Variants in RELA observed in about 807,000 individuals in gnomAD.
The protein encoded by RELA is transcription factor p65.
A neutral mutation model predicts 56.7 loss-of-function variants in RELA; 14 were observed. That is an observed-to-expected ratio of 0.25 (90% CI 0.16 to 0.39). RELA has a LOEUF of 0.39. Among genes scored for constraint, RELA ranks in the 10% least tolerant of loss-of-function variants. The pLI, the probability that RELA is intolerant of heterozygous loss-of-function variation, is 1.00. For missense variants in RELA, 559 were observed against 736.4 expected (o/e 0.76, Z 2.79); for synonymous variants, 315 against 289.7 (o/e 1.09, Z -0.89).
rs553456874 is a variant in RELA at position 65,653,641 on chromosome 11, C to G, written c.*737G>C. ...ATTTATTAGTTCAGAGTAGAAAGAG[C>G]AAGAGTCCAAGTGCTTTGATTGTTC... On this transcript the variant is annotated 3_prime_UTR_variant, in exon 11 of 11. Transcript: ENST00000406246. 2.0e-5 allele frequency: 3 copies of G among 152,602 alleles called. No homozygotes were observed. Among genetic ancestry groups the G allele is most frequent in the East Asian group, 1.9e-4 (1 of 5,200 alleles). The allele number at this position is 152,602 out of a possible 1,614,324, so 9.5% of individuals were successfully genotyped here. A position where few individuals can be genotyped will look rare whatever the true frequency, so the allele number is the denominator to read the frequency against.
At chr11:65,655,962 A>C in intron 8 of RELA, 27 bp from the exon 9 acceptor site, 1 of 1,604,204 alleles carries the variant, frequency 6.2e-7, no homozygotes, top group East Asian at 2.2e-5. Flanking sequence ...GAGAAGTGGG[A>C]CTTGCTCTCC....
chr11:65,656,165 G>A (rs962931104), intron 8 of RELA, among the ~76,000 whole-genome samples: 13 of 152,184 alleles, frequency 8.5e-5, no homozygotes, highest in South Asian at 2.1e-4. Context: ...TGGTGAGGCC[G>A]AGTACAGGGG....
intron 1 of RELA, 167 bp from the exon 2 acceptor site, chr11:65,662,372 G>A (rs888541517): frequency 2.8e-6 from 2 of 718,974 alleles, no homozygotes; most frequent in African/African-American, 3.7e-5. Context: ...AAAGGAACCA[G>A]AAACACCTGC....
At position 65,654,148 on chromosome 11, in the gene RELA, C is replaced by T; in HGVS notation, c.*230G>A. On this transcript the variant is annotated 3_prime_UTR_variant, in exon 11 of 11. Coordinates refer to ENST00000406246, the MANE Select transcript of RELA (RefSeq NM_021975.4). ...CAGGACAGGGGAAAAGTTTGAGTTTCCCCAGCTCCCCCCTTTCCAGAGAAG... is the reference window on the plus strand; with the variant it reads ...CAGGACAGGGGAAAAGTTTGAGTTTTCCCAGCTCCCCCCTTTCCAGAGAAG... 1 of 612,158 alleles carries T rather than the reference C, an allele frequency of 1.6e-6. No individual in the cohort carries two copies. Among genetic ancestry groups the T allele is most frequent in the Admixed American group, 2.5e-5 (1 of 39,918 alleles). 37.9% of individuals were successfully genotyped at this position (612,158 alleles called of 1,614,324 possible).
At chr11:65,659,240 T>C (rs1453516349) in intron 6 of RELA, among the ~76,000 whole-genome samples, 2 of 152,198 alleles carry the variant, frequency 1.3e-5, no homozygotes, top group Non-Finnish European at 2.9e-5. Context: ...ATTCGTTTTA[T>C]TTCCATTCAT....
At chr11:65,655,637 G>T in intron 10 of RELA, 51 bp downstream of exon 10, 3 of 1,562,334 alleles carry the variant, frequency 1.9e-6, no homozygotes, top group Non-Finnish European at 1.8e-6. Flanking sequence ...CTGCTCCTCA[G>T]CTGAACAGAG....
In RELA at chr11:65,658,620, C is replaced by A; in HGVS notation, c.664+98G>T. On this transcript the variant is annotated intron_variant, in intron 7 of 10. Transcript: ENST00000406246. This position sits in a 1 kb window ranked among gnomAD's most constrained non-coding sequence, Gnocchi z 4.5. ...CGGCCCACCTGAGGCCCCCGAGGCA[C>A]AGGAGGAAGTATCCAAAGCCAGTTA... 7.1e-7 allele frequency: 1 copy of A among 1,403,100 alleles called. No homozygotes were observed. The highest frequency in any genetic ancestry group is 1.0e-6 in the Non-Finnish European group (1 of 995,344). 86.9% of individuals were successfully genotyped at this position (1,403,100 alleles called of 1,614,324 possible). A position where few individuals can be genotyped will look rare whatever the true frequency, so the allele number is the denominator to read the frequency against.
In RELA at chr11:65,654,522, C is replaced by T; in HGVS notation, c.1512G>A (p.Val504=). 6.2e-7 allele frequency: 1 copy of T among 1,607,846 alleles called. No homozygotes were observed. Residue 504 remains valine (V), a synonymous_variant, in exon 11 of 11, where the codon GTG becomes GTA. Coordinates refer to ENST00000406246, the MANE Select transcript of RELA (RefSeq NM_021975.4). ...GGTCGGGGGGCCTCTGGGCCCCTGTCACTAGGCGAGTTATAGCCTCAGGGT... is the reference window on the plus strand; with the variant it reads ...GGTCGGGGGGCCTCTGGGCCCCTGTTACTAGGCGAGTTATAGCCTCAGGGT... ...MEYPEAITRL[V]TGAQRPPDPA...
chr11:65,662,949 G>A, upstream of RELA: 1 of 888,932 alleles, frequency 1.1e-6, no homozygotes, highest in South Asian at 5.5e-5. Flanking sequence ...GTCACTGCCC[G>A]GAATCCGGCC....
chr11:65,661,199 T>C (rs1375883328), intron 4 of RELA, among the ~76,000 whole-genome samples: 2 of 152,134 alleles, frequency 1.3e-5, no homozygotes, highest in African/African-American at 4.8e-5. Context: ...AGCTAATTTC[T>C]TATTTTTTGT....
Position 65,658,194 on chromosome 11 carries a change from TG to T in RELA, c.877+92del. On this transcript the variant is annotated intron_variant, in intron 8 of 10. Transcript: ENST00000406246. This position sits in a 1 kb window ranked among gnomAD's most constrained non-coding sequence, Gnocchi z 4.5. ...GATCCCAAGCTCTGACTCCAGCTTC[TG>T]GCCCTCAACCACAGCCCCAGACATG... The T allele has an allele frequency of 1.1e-6, 1 of 927,604 alleles. No homozygotes were observed. The highest frequency in any genetic ancestry group is 1.6e-6 in the Non-Finnish European group (1 of 624,484). The allele number at this position is 927,604 out of a possible 1,614,324, so 57.5% of individuals were successfully genotyped here. A position where few individuals can be genotyped will look rare whatever the true frequency, so the allele number is the denominator to read the frequency against.
chr11:65,658,674 C>T lies in RELA; in HGVS notation c.664+44G>A, dbSNP rs1856490183. ...GACACTCCACTTCTCTGCTCAGCTT[C>T]ACCCCTTGCTCCCAAGAGCCCACCC... On this transcript the variant is annotated intron_variant, in intron 7 of 10. Coordinates refer to ENST00000406246, the MANE Select transcript of RELA (RefSeq NM_021975.4). This position sits in a 1 kb window ranked among gnomAD's most constrained non-coding sequence, Gnocchi z 4.5. 6.4e-7 allele frequency: 1 copy of T among 1,560,610 alleles called. No individual in the cohort carries two copies.
In RELA at chr11:65,659,685, A is replaced by C. The variant is rs1286471178; in HGVS notation, c.540T>G (p.Ser180=). The C allele has an allele frequency of 6.2e-7, 1 of 1,613,694 alleles. No individual in the cohort carries two copies. The change falls in exon 6 of 11, where the codon TCT becomes TCG. Residue 180 remains serine (S), a synonymous_variant. Transcript: ENST00000406246. ...GRPLRLPPVL[S]HPIFDNRAPN... is the part of the protein sequence containing the mutation. ...ACTCACGATTGTCAAAGATGGGATG[A>C]GAAAGGACAGGCGGCAGGCGGAGGG...
intron 2 of RELA, 37 bp from the exon 3 acceptor site, chr11:65,662,125 C>G: frequency 6.2e-7 from 1 of 1,600,888 alleles, no homozygotes; most frequent in East Asian, 2.2e-5. Context: ...AGGCGGCTGC[C>G]CCCACTGCCC....
At chr11:65,660,282 C>A in intron 4 of RELA, 67 bp from the exon 5 acceptor site, 1 of 1,440,000 alleles carries the variant, frequency 6.9e-7, no homozygotes, top group Non-Finnish European at 9.8e-7. Flanking sequence ...CTTGCCCAGC[C>A]TGCTCCTTCC....
Position 65,659,815 on chromosome 11 carries a change from G to C in RELA, c.428-18C>G, listed in dbSNP as rs372155412. 2.5e-6 allele frequency: 4 copies of C among 1,601,342 alleles called. No homozygotes were observed. The highest frequency in any genetic ancestry group is 2.2e-5 in the East Asian group (1 of 44,704). ...TATAGGAACTGCCAAGAAAACAGGC[G>C]ATCAGGAGAGCAGGGGAAGTGGGGA... On this transcript the variant is annotated intron_variant, in intron 5 of 10. Transcript: ENST00000406246.
chr11:65,654,375 C>G lies in RELA; in HGVS notation c.*3G>C. 1.2e-6 allele frequency: 2 copies of G among 1,613,560 alleles called. No homozygotes were observed. Among genetic ancestry groups the G allele is most frequent in the Non-Finnish European group, 1.7e-6 (2 of 1,179,816 alleles). Reference sequence around the variant, plus strand: ...TGCTCTGGGGAGGGCAGGCGTCACCCCCTTAGGAGCTGATCTGACTCAGCA... The same window carrying G: ...TGCTCTGGGGAGGGCAGGCGTCACCGCCTTAGGAGCTGATCTGACTCAGCA... On this transcript the variant is annotated 3_prime_UTR_variant, in exon 11 of 11. Coordinates refer to ENST00000406246, the MANE Select transcript of RELA (RefSeq NM_021975.4).
In RELA at chr11:65,655,913, C is replaced by T. The variant is rs141730634; in HGVS notation, c.900G>A (p.Glu300=). 1.6e-4 allele frequency: 263 copies of T among 1,614,124 alleles called. No individual in the cohort carries two copies. Among genetic ancestry groups the T allele is most frequent in the South Asian group, 3.5e-4 (32 of 91,078 alleles). The change falls in exon 9 of 11, where the codon GAG becomes GAA. Residue 300 remains glutamate (E), a synonymous_variant. Coordinates refer to ENST00000406246, the MANE Select transcript of RELA (RefSeq NM_021975.4). ...PDTDDRHRIE[E]KRKRTYETFK... The stretch of plus-strand genomic sequence containing the variant: ...AGGTCTCATATGTCCTTTTACGTTT[C>T]TCCTCAATCCGGTGACGATCGTCTG...
chr11:65,659,157 A>C (rs1180850720), intron 6 of RELA, among the ~76,000 whole-genome samples: 1 of 152,150 alleles, frequency 6.6e-6, no homozygotes, highest in South Asian at 2.1e-4. Context: ...AGGCCAGTCC[A>C]TACCCACCTT....
Sources: gnomAD v4.1 joint callset for allele counts (sites outside exome capture counted in the v4.1 genomes callset) on GRCh38, gnomAD v4.1.1 for gene constraint, Gnocchi (gnomAD v3.1) non-coding constraint, MANE v1.5 for transcripts, NCBI Gene and HGNC (gene_info 2026-07-23, HGNC 2026-07-21) for gene names.